Variants in ZFR observed in about 807,000 individuals in gnomAD.
ZFR encodes the protein zinc finger RNA binding protein, also known as zinc finger RNA-binding protein.
A neutral mutation model predicts 130.7 loss-of-function variants in ZFR; 19 were observed. That is an observed-to-expected ratio of 0.15 (90% CI 0.10 to 0.21). The LOEUF is 0.21. Among genes scored for constraint, ZFR ranks in the 10% least tolerant of loss-of-function variants. The pLI is 1.00. For synonymous variants in ZFR, 466 were observed against 456.9 expected, an observed-to-expected ratio of 1.02 and a Z score of -0.25; for missense variants, 872 against 1,321.5, an observed-to-expected ratio of 0.66 and a Z score of 5.27.
intron 15 of ZFR, among the ~76,000 whole-genome samples, chr5:32,382,376 G>C (rs1752952423): frequency 6.6e-6 from 1 of 152,120 alleles, no homozygotes; most frequent in Non-Finnish European, 1.5e-5. Flanking sequence ...CCCCAAAGCA[G>C]TATTATAACA....
chr5:32,358,876 C>T (rs1752370621), intron 19 of ZFR, among the ~76,000 whole-genome samples: 1 of 152,056 alleles, frequency 6.6e-6, no homozygotes, highest in African/African-American at 2.4e-5. Context: ...ATCATCTTAT[C>T]TTGTGCTTTT....
At chr5:32,376,580 C>A (rs1752815016) in intron 17 of ZFR, among the ~76,000 whole-genome samples, 2 of 151,476 alleles carry the variant, frequency 1.3e-5, no homozygotes, top group Non-Finnish European at 2.9e-5. Flanking sequence ...TGCACTCCAG[C>A]CTGGGCGACA....
chr5:32,444,593 A>G, intron 1 of ZFR, 29 bp downstream of exon 1: 2 of 1,476,524 alleles, frequency 1.4e-6, no homozygotes, highest in Non-Finnish European at 1.8e-6. Context: ...GGGGCCGGGC[A>G]GAGGCCTCGC....
At chr5:32,389,926 G>C (rs989058293) in intron 12 of ZFR, among the ~76,000 whole-genome samples, 1 of 152,174 alleles carries the variant, frequency 6.6e-6, no homozygotes, top group Non-Finnish European at 1.5e-5. Flanking sequence ...CCAGGCGGAC[G>C]GATCTCCTGA....
chr5:32,402,152 A>T (rs1255091442), intron 8 of ZFR, among the ~76,000 whole-genome samples: 1 of 143,162 alleles, frequency 7.0e-6, no homozygotes, highest in East Asian at 1.9e-4. Flanking sequence ...ACCACCCATT[A>T]ATAGAGGCGG....
intron 2 of ZFR, among the ~76,000 whole-genome samples, chr5:32,441,881 T>C (rs1352973443): frequency 6.6e-6 from 1 of 152,128 alleles, no homozygotes; most frequent in Non-Finnish European, 1.5e-5. Flanking sequence ...TAGTCTTTTC[T>C]CATCAGATGT....
chr5:32,421,516 G>T (rs1240252965), intron 2 of ZFR, among the ~76,000 whole-genome samples: 2 of 152,072 alleles, frequency 1.3e-5, no homozygotes, highest in Non-Finnish European at 2.9e-5. Context: ...GATTCCAAAG[G>T]GAATCAATGT....
intron 5 of ZFR, among the ~76,000 whole-genome samples, chr5:32,412,534 CA>C (rs1323489622): frequency 6.6e-6 from 1 of 152,194 alleles, no homozygotes; most frequent in Non-Finnish European, 1.5e-5. Context: ...ATACATACAC[CA>C]AATACATACA....
chr5:32,419,081 AAT>A (rs1397851546), intron 3 of ZFR, among the ~76,000 whole-genome samples: 1 of 152,210 alleles, frequency 6.6e-6, no homozygotes, highest in Non-Finnish European at 1.5e-5. Flanking sequence ...GAAAATATGT[AAT>A]ATGTTTGTCC....
chr5:32,388,601 T>C lies in ZFR; in HGVS notation c.2216A>G (p.Glu739Gly). Residue 739 changes from glutamate to glycine, a missense_variant, in exon 13 of 20, where the codon GAG becomes GGG. Transcript: ENST00000265069. ...AATTTTCTGAACTGCCTGTAACTCCTCTTCAGTTGGATAAATGGTGGCATG... is the reference window on the plus strand; with the variant it reads ...AATTTTCTGAACTGCCTGTAACTCCCCTTCAGTTGGATAAATGGTGGCATG... ...TKHATIYPTEEELQAVQKIVS... is the reference protein window; with the variant it reads ...TKHATIYPTEGELQAVQKIVS... 1 of 1,614,098 alleles carries C rather than the reference T, an allele frequency of 6.2e-7. No individual in the cohort carries two copies. The highest frequency in any genetic ancestry group is 1.1e-5 in the South Asian group (1 of 91,078).
At chr5:32,403,771 T>C in intron 7 of ZFR, 135 bp downstream of exon 7, 1 of 729,384 alleles carries the variant, frequency 1.4e-6, no homozygotes, top group Admixed American at 3.4e-5. Context: ...CCTTTATGTA[T>C]TATTAGCACA....
chr5:32,408,314 A>T (rs1229564061), intron 5 of ZFR, among the ~76,000 whole-genome samples: 1 of 59,152 alleles, frequency 1.7e-5, no homozygotes, highest in Non-Finnish European at 3.7e-5. Flanking sequence ...ACGTTTGATT[A>T]AAAAAAAAAA....
intron 17 of ZFR, among the ~76,000 whole-genome samples, chr5:32,366,731 T>C (rs1752553894): frequency 6.6e-6 from 1 of 152,060 alleles, no homozygotes; most frequent in Admixed American, 6.6e-5. Flanking sequence ...ATTACAACAC[T>C]TCAGGTTTTG....
intron 2 of ZFR, among the ~76,000 whole-genome samples, chr5:32,432,428 C>T (rs555969938): frequency 4.6e-5 from 7 of 152,204 alleles, no homozygotes; most frequent in East Asian, 1.9e-4. Context: ...TCTTTTCATA[C>T]GCTTTTTGGC....
chr5:32,412,939 C>T (rs770627016), intron 5 of ZFR, among the ~76,000 whole-genome samples: 4 of 152,062 alleles, frequency 2.6e-5, no homozygotes, highest in Admixed American at 2.6e-4. Context: ...ATTGTAATCC[C>T]AGCACTCTGG....
chr5:32,430,422 G>C (rs1190516464), intron 2 of ZFR, among the ~76,000 whole-genome samples: 1 of 152,116 alleles, frequency 6.6e-6, no homozygotes, highest in African/African-American at 2.4e-5. Context: ...TGCACAGAGA[G>C]AGAGGAAGAG....
intron 17 of ZFR, among the ~76,000 whole-genome samples, chr5:32,376,758 G>C (rs983610975): frequency 2.0e-5 from 3 of 152,150 alleles, no homozygotes; most frequent in African/African-American, 7.2e-5. Flanking sequence ...AGGCCAAGGA[G>C]GGCAGATCAC....
chr5:32,399,348 T>C lies in ZFR; in HGVS notation c.1713+659A>G, dbSNP rs558781593. On this transcript the variant is annotated intron_variant, in intron 9 of 19. Coordinates refer to ENST00000265069, the MANE Select transcript of ZFR (RefSeq NM_016107.5). ...ATGCTAGACACCATGCTAGGTACTTTATTTCATCTACTCTTCACAACTTTG... is the reference window on the plus strand; with the variant it reads ...ATGCTAGACACCATGCTAGGTACTTCATTTCATCTACTCTTCACAACTTTG... Among the ~76,000 whole-genome samples, 18 of 152,320 alleles carry C rather than the reference T, an allele frequency of 1.2e-4. No homozygotes were observed. In the East Asian group the frequency reaches 3.3e-3, roughly 28 times the overall value.
chr5:32,388,446 G>A, intron 13 of ZFR, 23 bp downstream of exon 13: 4 of 1,606,798 alleles, frequency 2.5e-6, no homozygotes, highest in Non-Finnish European at 3.4e-6. Flanking sequence ...AATTACACAT[G>A]GTAAATAACT....
Sources: gnomAD v4.1 joint callset for allele counts (sites outside exome capture counted in the v4.1 genomes callset) on GRCh38, gnomAD v4.1.1 for gene constraint, MANE v1.5 for transcripts, NCBI Gene and HGNC (gene_info 2026-07-23, HGNC 2026-07-21) for gene names.